Variants in ZNF333 observed in about 807,000 individuals in gnomAD.
The protein encoded by ZNF333 is zinc finger protein 333.
Under a neutral mutation model 76.1 loss-of-function variants are expected in ZNF333, and 61 were observed. The ratio of observed to expected loss-of-function variants is 0.80; its 90% CI spans 0.65 to 0.99. The LOEUF (loss-of-function observed/expected upper bound fraction) is 0.99, where lower values mean the gene tolerates loss of function less well. ZNF333 is among the 50% of genes least tolerant of loss of function. The pLI, the probability that ZNF333 is intolerant of heterozygous loss-of-function variation, is 0.00. For synonymous variants in ZNF333, 284 were observed against 305.0 expected, an observed-to-expected ratio of 0.93 and a Z score of 0.72; for missense variants, 717 against 822.4, an observed-to-expected ratio of 0.87 and a Z score of 1.57.
At position 14,695,694 on chromosome 19, in the gene ZNF333, C is replaced by T. The variant is rs759879092; in HGVS notation, c.223+33C>T. ...CCAGGCAGGCTGTGGATCCCCCGAC[C>T]CCCCTGGTTGGGTGGTGTGCCTTGG... On this transcript the variant is annotated intron_variant, in intron 4 of 11. Transcript: ENST00000292530. The T allele has an allele frequency of 1.3e-5, 20 of 1,599,994 alleles. No homozygotes were observed. In the Admixed American group the frequency reaches 3.3e-4, roughly 27 times the overall value.
chr19:14,716,886 C>A (rs2042446621), intron 9 of ZNF333, 108 bp from the exon 10 acceptor site: 7 of 931,190 alleles, frequency 7.5e-6, no homozygotes, highest in Non-Finnish European at 8.0e-6. Flanking sequence ...TAGGCACATG[C>A]ATTTTGCCAC....
intron 4 of ZNF333, 85 bp downstream of exon 4, chr19:14,695,746 C>A: frequency 8.3e-7 from 1 of 1,199,244 alleles, no homozygotes; most frequent in Non-Finnish European, 1.2e-6. Context: ...TTTCAAAGGC[C>A]CTTTGTTCTG....
At chr19:14,727,379 T>C (rs1053460779) in intron 11 of ZNF333, among the ~76,000 whole-genome samples, 2 of 152,148 alleles carry the variant, frequency 1.3e-5, no homozygotes, top group Admixed American at 6.5e-5. Context: ...ACAAACATGG[T>C]ACCAACATCT....
chr19:14,696,534 G>C (rs1361763489), intron 4 of ZNF333, among the ~76,000 whole-genome samples: 1 of 151,990 alleles, frequency 6.6e-6, no homozygotes, highest in Non-Finnish European at 1.5e-5. Context: ...TTGACTCCTG[G>C]TTCTGGAGGC....
In ZNF333 at chr19:14,717,654, C is replaced by G. The variant is rs774247308; in HGVS notation, c.824-3C>G. 6.2e-7 allele frequency: 1 copy of G among 1,613,518 alleles called. No homozygotes were observed. Among genetic ancestry groups the G allele is most frequent in the East Asian group, 2.2e-5 (1 of 44,862 alleles). On this transcript the variant is annotated splice_polypyrimidine_tract_variant and splice_region_variant and intron_variant, in intron 10 of 11. Coordinates refer to ENST00000292530, the MANE Select transcript of ZNF333 (RefSeq NM_032433.4). ...TAACTTTTTCTTCCCTAATTCATTT[C>G]AGAACCTCAGTGTCAACCCCAAGAG...
chr19:14,731,061 G>T, intron 11 of ZNF333: 1 of 853,794 alleles, frequency 1.2e-6, no homozygotes, highest in Non-Finnish European at 1.9e-6. Context: ...CTTACATGCT[G>T]CCCTGGTCTC....
At chr19:14,702,662 C>T (rs1374892835) in intron 5 of ZNF333, among the ~76,000 whole-genome samples, 1 of 152,258 alleles carries the variant, frequency 6.6e-6, no homozygotes, top group Non-Finnish European at 1.5e-5. Flanking sequence ...TTGCTGCTTT[C>T]ATCCTCTGCT....
intron 7 of ZNF333, 51 bp downstream of exon 7, chr19:14,706,824 T>G: frequency 6.6e-7 from 1 of 1,521,306 alleles, no homozygotes. Flanking sequence ...GCTGTCCTTG[T>G]GTTCTGTCCA....
At chr19:14,701,259 T>C (rs1369214493) in intron 5 of ZNF333, among the ~76,000 whole-genome samples, 4 of 152,162 alleles carry the variant, frequency 2.6e-5, no homozygotes, top group Non-Finnish European at 4.4e-5. Flanking sequence ...TAAATAGATA[T>C]GGGGTCTTGT....
intron 5 of ZNF333, among the ~76,000 whole-genome samples, chr19:14,700,917 G>A (rs1242396343): frequency 6.6e-6 from 1 of 152,142 alleles, no homozygotes; most frequent in East Asian, 1.9e-4. Flanking sequence ...CAACTTCTTT[G>A]CCAGGGAAGC....
At chr19:14,706,617 G>T in intron 6 of ZNF333, 69 bp from the exon 7 acceptor site, 1 of 1,170,696 alleles carries the variant, frequency 8.5e-7, no homozygotes, top group South Asian at 1.2e-5. Context: ...CGTTCATTTG[G>T]GGTGAGCAGG....
chr19:14,706,823 G>C, intron 7 of ZNF333, 50 bp downstream of exon 7: 4 of 1,529,352 alleles, frequency 2.6e-6, no homozygotes, highest in Non-Finnish European at 3.6e-6. Context: ...TGCTGTCCTT[G>C]TGTTCTGTCC....
chr19:14,703,809 G>T (rs557142968), intron 5 of ZNF333, among the ~76,000 whole-genome samples: 12 of 152,256 alleles, frequency 7.9e-5, no homozygotes, highest in African/African-American at 2.9e-4. Flanking sequence ...TAAGGAGCTG[G>T]TACGGCATGT....
chr19:14,697,357 C>CTT (rs139125023), intron 4 of ZNF333, among the ~76,000 whole-genome samples: 3,169 of 90,748 alleles, frequency 0.035, 82 homozygotes, highest in Non-Finnish European at 0.049. Flanking sequence ...TTTTTCTTTT[C>CTT]TTTTTTTTTT....
At chr19:14,708,943 A>G (rs897786253) in intron 7 of ZNF333, 1 of 152,110 alleles carries the variant, frequency 6.6e-6, no homozygotes, top group African/African-American at 2.4e-5. Flanking sequence ...TTGTGTCCCC[A>G]CCTAAATCTC....
At chr19:14,696,708 C>G (rs1041628914) in intron 4 of ZNF333, among the ~76,000 whole-genome samples, 1 of 146,844 alleles carries the variant, frequency 6.8e-6, no homozygotes, top group Non-Finnish European at 1.5e-5. Flanking sequence ...AATCACAGGG[C>G]AGATTCCTCG....
chr19:14,714,866 C>T (rs1194959319), intron 7 of ZNF333: 1 of 153,458 alleles, frequency 6.5e-6, no homozygotes, highest in Non-Finnish European at 1.5e-5. Context: ...TGTGGTAAGT[C>T]CTGGAGCACC....
At position 14,719,964 on chromosome 19, in the gene ZNF333, T is replaced by C; in HGVS notation, c.*639T>C. ...ACTTTGGGAGGCTGAGGCTGGGGGA[T>C]CACCTGAGGTCAGGAGTTCGAGATC... On this transcript the variant is annotated 3_prime_UTR_variant, in exon 12 of 12. Coordinates refer to ENST00000292530, the MANE Select transcript of ZNF333 (RefSeq NM_032433.4). The C allele has an allele frequency of 5.2e-6, 5 of 961,794 alleles. No homozygotes were observed. The highest frequency in any genetic ancestry group is 6.2e-6 in the Non-Finnish European group (5 of 808,514). 59.6% of individuals were successfully genotyped at this position (961,794 alleles called of 1,614,324 possible).
downstream of ZNF333, among the ~76,000 whole-genome samples, chr19:14,724,714 C>T (rs1221517175): frequency 5.4e-5 from 8 of 148,626 alleles, no homozygotes; most frequent in South Asian, 2.1e-4. Context: ...TGCAGTGAGC[C>T]GACATCATGC....
Sources: gnomAD v4.1 joint callset for allele counts (sites outside exome capture counted in the v4.1 genomes callset) on GRCh38, gnomAD v4.1.1 for gene constraint, MANE v1.5 for transcripts, NCBI Gene and HGNC (gene_info 2026-07-23, HGNC 2026-07-21) for gene names.